Variants in REEP3 observed in about 807,000 individuals in gnomAD.
The protein encoded by REEP3 is receptor expression-enhancing protein 3.
In REEP3, 20 loss-of-function variants were observed where a neutral mutation model predicts 41.3. The observed-to-expected ratio is 0.48, with a 90% CI of 0.34 to 0.70. The LOEUF (loss-of-function observed/expected upper bound fraction) is 0.70. Ranked by LOEUF, REEP3 falls within the 30% of genes least tolerant of loss-of-function variation. REEP3 has a pLI of 0.01. For synonymous variants in REEP3, 104 were observed against 101.8 expected (o/e 1.02, Z -0.13); for missense variants, 271 against 308.8 (o/e 0.88, Z 0.92).
intron 6 of REEP3, among the ~76,000 whole-genome samples, chr10:63,619,412 A>T (rs889440859): frequency 2.6e-5 from 4 of 152,216 alleles, no homozygotes; most frequent in East Asian, 1.9e-4. Context: ...AATTATTTTT[A>T]AAAATGCATA....
At chr10:63,543,138 CTAA>C (rs1013971985) in intron 1 of REEP3, among the ~76,000 whole-genome samples, 16 of 152,152 alleles carry the variant, frequency 1.1e-4, no homozygotes, top group African/African-American at 3.6e-4. Context: ...TTTCAGTTAT[CTAA>C]TACTGTGTAA....
Position 63,576,759 on chromosome 10 carries a change from G to C in REEP3, c.105+10349G>C, listed in dbSNP as rs574194279. On this transcript the variant is annotated intron_variant, in intron 2 of 7. Coordinates refer to ENST00000373758, the MANE Select transcript of REEP3 (RefSeq NM_001001330.3). ...GCTGCCAGGGTTGGTTTCCTGTGAG[G>C]GCTCTTTTCCTGGCTTGTAAGGCAG... Among the ~76,000 whole-genome samples the C allele has an allele frequency of 7.2e-5, 11 of 152,220 alleles. No homozygotes were observed. In the East Asian group the frequency reaches 1.9e-3, roughly 27 times the overall value.
At chr10:63,545,691 T>TTG (rs1353204576) in intron 1 of REEP3, among the ~76,000 whole-genome samples, 2 of 141,148 alleles carry the variant, frequency 1.4e-5, no homozygotes, top group African/African-American at 5.3e-5. Context: ...TTTTTTTTTT[T>TTG]TTTTTTTTTT....
chr10:63,533,076 T>C (rs1380375077), intron 1 of REEP3, among the ~76,000 whole-genome samples: 1 of 152,206 alleles, frequency 6.6e-6, no homozygotes, highest in African/African-American at 2.4e-5. Flanking sequence ...TCTAAAATTG[T>C]TCAACTTTGA....
At chr10:63,539,503 T>C (rs1458262581) in intron 1 of REEP3, among the ~76,000 whole-genome samples, 1 of 152,096 alleles carries the variant, frequency 6.6e-6, no homozygotes, top group Admixed American at 6.5e-5. Flanking sequence ...TCTTAGAAAA[T>C]CTTAAGAATC....
At chr10:63,583,596 AG>A (rs146158743) in intron 2 of REEP3, among the ~76,000 whole-genome samples, 2 of 152,320 alleles carry the variant, frequency 1.3e-5, no homozygotes, top group African/African-American at 2.4e-5. Flanking sequence ...GATAAGGCCT[AG>A]GTGCCTAAGA....
At position 63,571,818 on chromosome 10, in the gene REEP3, G is replaced by A. The variant is rs568628898; in HGVS notation, c.105+5408G>A. ...TCCAGTATTACAGGCTTAGAGAAGT[G>A]AATTTACCTGGAGTCACATGGATTG... On this transcript the variant is annotated intron_variant, in intron 2 of 7. Coordinates refer to ENST00000373758, the MANE Select transcript of REEP3 (RefSeq NM_001001330.3). Among the ~76,000 whole-genome samples, 7 of 152,278 alleles carry A rather than the reference G, an allele frequency of 4.6e-5. No individual in the cohort carries two copies. In the South Asian group the frequency reaches 1.5e-3, roughly 32 times the overall value.
At chr10:63,537,155 G>A (rs1288812232) in intron 1 of REEP3, among the ~76,000 whole-genome samples, 1 of 152,168 alleles carries the variant, frequency 6.6e-6, no homozygotes, top group African/African-American at 2.4e-5. Context: ...GTACAAAATG[G>A]AATATTATAC....
intron 1 of REEP3, among the ~76,000 whole-genome samples, chr10:63,561,186 G>C (rs1404354142): frequency 6.6e-6 from 1 of 152,198 alleles, no homozygotes; most frequent in Non-Finnish European, 1.5e-5. Flanking sequence ...CTTCGTATGT[G>C]AGAGAAAATG....
chr10:63,604,857 C>A (rs902066552), intron 5 of REEP3, among the ~76,000 whole-genome samples: 1 of 152,114 alleles, frequency 6.6e-6, no homozygotes, highest in South Asian at 2.1e-4. Context: ...ATTAATTTTT[C>A]TCACTTGTAA....
intron 2 of REEP3, among the ~76,000 whole-genome samples, chr10:63,578,507 C>T (rs942419047): frequency 2.0e-5 from 3 of 152,114 alleles, no homozygotes; most frequent in Non-Finnish European, 4.4e-5. Context: ...CATGGTAGCT[C>T]ACACCTATAT....
rs143947731 is a variant in REEP3, at chr10:63,619,209, G to A, written c.566-446G>A. Among the ~76,000 whole-genome samples the A allele has an allele frequency of 5.3e-4, 81 of 152,206 alleles. No individual in the cohort carries two copies. The East Asian group carries it at 0.01, about 19-fold the overall frequency. ...CATTCCCAGTCTTGACAAAAGATAC[G>A]ACACATAGAACGGAAAAGCCTTAAT... On this transcript the variant is annotated intron_variant, in intron 6 of 7. Coordinates refer to ENST00000373758, the MANE Select transcript of REEP3 (RefSeq NM_001001330.3).
At chr10:63,523,020 C>CA (rs35537600) in intron 1 of REEP3, among the ~76,000 whole-genome samples, 3,020 of 117,902 alleles carry the variant, frequency 0.026, 100 homozygotes, top group African/African-American at 0.092. Flanking sequence ...CTGTACTTTA[C>CA]AAAAAAAAAA....
chr10:63,537,899 G>C (rs1955489783), intron 1 of REEP3, among the ~76,000 whole-genome samples: 1 of 152,060 alleles, frequency 6.6e-6, no homozygotes, highest in Non-Finnish European at 1.5e-5. Context: ...ATTTACCCAA[G>C]GGATTTTTGA....
At chr10:63,559,286 G>T (rs1037429488) in intron 1 of REEP3, among the ~76,000 whole-genome samples, 1 of 152,044 alleles carries the variant, frequency 6.6e-6, no homozygotes, top group African/African-American at 2.4e-5. Context: ...CTCCATTTTA[G>T]TAGTGATTTA....
chr10:63,569,859 C>T (rs1955837275), intron 2 of REEP3, among the ~76,000 whole-genome samples: 4 of 151,944 alleles, frequency 2.6e-5, no homozygotes, highest in Admixed American at 2.6e-4. Context: ...GGAGAATCAC[C>T]TGAGCCTGGG....
intron 1 of REEP3, among the ~76,000 whole-genome samples, chr10:63,537,362 T>A (rs908752907): frequency 6.6e-6 from 1 of 152,154 alleles, no homozygotes. Flanking sequence ...ATTTAGCAAG[T>A]CTATTTTTCA....
intron 6 of REEP3, among the ~76,000 whole-genome samples, chr10:63,615,120 A>C (rs1956302561): frequency 6.6e-6 from 1 of 152,180 alleles, no homozygotes; most frequent in Admixed American, 6.5e-5. Context: ...GGATTAATAT[A>C]CCTAATTTTT....
At chr10:63,552,131 A>G (rs1338277096) in intron 1 of REEP3, among the ~76,000 whole-genome samples, 3 of 152,198 alleles carry the variant, frequency 2.0e-5, no homozygotes, top group Non-Finnish European at 4.4e-5. Flanking sequence ...GGGGCCGGGC[A>G]CAGTGGCTCA....
Sources: gnomAD v4.1 joint callset for allele counts (sites outside exome capture counted in the v4.1 genomes callset) on GRCh38, gnomAD v4.1.1 for gene constraint, MANE v1.5 for transcripts, NCBI Gene and HGNC (gene_info 2026-07-23, HGNC 2026-07-21) for gene names.